Variants in VPS13A observed in about 807,000 individuals in gnomAD.
The protein encoded by VPS13A is intermembrane lipid transfer protein VPS13A.
In VPS13A, 264 loss-of-function variants were observed where a neutral mutation model predicts 390.9. That is an observed-to-expected ratio of 0.68 (90% CI 0.61 to 0.75). VPS13A has a LOEUF of 0.75. VPS13A is among the 30% of genes least tolerant of loss of function. The pLI is 0.00. For missense variants in VPS13A, 3,409 were observed against 3,733.9 expected (o/e 0.91, Z 2.27); for synonymous variants, 1,231 against 1,227.1 (o/e 1.00, Z -0.07).
At position 77,244,775 on chromosome 9, in the gene VPS13A, A is replaced by G. The variant is rs568446287; in HGVS notation, c.1901-2484A>G. Among the ~76,000 whole-genome samples, 8 of 152,130 alleles carry G rather than the reference A, an allele frequency of 5.3e-5. No individual in the cohort carries two copies. In the South Asian group the frequency reaches 1.5e-3, roughly 28 times the overall value. On this transcript the variant is annotated intron_variant, in intron 19 of 71. Coordinates refer to ENST00000360280, the MANE Select transcript of VPS13A (RefSeq NM_033305.3). The stretch of plus-strand genomic sequence containing the variant: ...GAATTTGGAGCTGAGTGAGGAAACA[A>G]TTCTATAATCAGCCCAAATGCTGTG...
intron 10 of VPS13A, among the ~76,000 whole-genome samples, chr9:77,215,487 C>A (rs532355828): frequency 6.6e-6 from 1 of 152,122 alleles, no homozygotes; most frequent in East Asian, 1.9e-4. Context: ...ATCGTAAATT[C>A]GACTTATTTC....
intron 1 of VPS13A, among the ~76,000 whole-genome samples, chr9:77,180,859 C>T (rs565559135): frequency 2.4e-4 from 37 of 152,190 alleles, no homozygotes; most frequent in Non-Finnish European, 5.3e-4. Flanking sequence ...TGTGATCCCT[C>T]TAACTTTAGT....
intron 38 of VPS13A, 120 bp from the exon 39 acceptor site, chr9:77,316,054 T>G (rs1355544426): frequency 4.1e-6 from 2 of 483,978 alleles, no homozygotes; most frequent in Non-Finnish European, 2.9e-6. Flanking sequence ...GTTGATTCCT[T>G]TGGGATCTAA....
chr9:77,382,238 G>A (rs1287584534), intron 68 of VPS13A, 151 bp downstream of exon 68: 2 of 1,430,658 alleles, frequency 1.4e-6, no homozygotes, highest in Non-Finnish European at 1.9e-6. Context: ...AGATTTTAAA[G>A]TACATTTATT....
chr9:77,405,060 A>AAAATT (rs1381070533), intron 69 of VPS13A, among the ~76,000 whole-genome samples: 1 of 152,234 alleles, frequency 6.6e-6, no homozygotes, highest in Non-Finnish European at 1.5e-5. Flanking sequence ...ATCAGAAAGA[A>AAAATT]AAATTAAGAA....
At position 77,263,981 on chromosome 9, in the gene VPS13A, A is replaced by G. The variant is rs188220820; in HGVS notation, c.2427+3757A>G. ...CTGCATATGGCTAGCCAGTTTTCCC[A>G]ACACCATTTATTAAATAGGGAATCT... On this transcript the variant is annotated intron_variant, in intron 23 of 71. Coordinates refer to ENST00000360280, the MANE Select transcript of VPS13A (RefSeq NM_033305.3). Among the ~76,000 whole-genome samples, 1,088 of 152,282 alleles carry G rather than the reference A, an allele frequency of 7.1e-3. 12 individuals are homozygous for G. Among genetic ancestry groups the G allele is most frequent in the Non-Finnish European group, 0.012 (805 of 68,030 alleles).
chr9:77,382,239 T>A lies in VPS13A; in HGVS notation c.9189+152T>A, dbSNP rs959052667. 4.9e-6 allele frequency: 7 copies of A among 1,435,958 alleles called. No individual in the cohort carries two copies. In the Admixed American group the frequency reaches 1.4e-4, roughly 28 times the overall value. 89.0% of individuals were successfully genotyped at this position (1,435,958 alleles called of 1,614,324 possible). A position where few individuals can be genotyped will look rare whatever the true frequency, so the allele number is the denominator to read the frequency against. ...TCTTATATTTACTTAGATTTTAAAG[T>A]ACATTTATTTACTATAAGATTTTTT... On this transcript the variant is annotated intron_variant, in intron 68 of 71. Transcript: ENST00000360280.
intron 22 of VPS13A, among the ~76,000 whole-genome samples, chr9:77,258,031 A>G (rs1253451159): frequency 6.6e-6 from 1 of 152,194 alleles, no homozygotes; most frequent in Non-Finnish European, 1.5e-5. Flanking sequence ...ATTATATTTC[A>G]TTGTTAGCTG....
At chr9:77,224,017 G>A (rs977032963) in intron 13 of VPS13A, among the ~76,000 whole-genome samples, 6 of 152,176 alleles carry the variant, frequency 3.9e-5, no homozygotes, top group African/African-American at 1.4e-4. Context: ...GGGCCCTTAA[G>A]AATATGCTAA....
At chr9:77,178,895 G>C (rs1440803283) in intron 1 of VPS13A, among the ~76,000 whole-genome samples, 2 of 152,096 alleles carry the variant, frequency 1.3e-5, no homozygotes, top group African/African-American at 4.8e-5. Context: ...TACTTACCTT[G>C]ACTCTTCTCG....
At chr9:77,207,368 A>G (rs1825741827) in intron 5 of VPS13A, among the ~76,000 whole-genome samples, 1 of 149,062 alleles carries the variant, frequency 6.7e-6, no homozygotes, top group Non-Finnish European at 1.5e-5. Flanking sequence ...TGGCATATAT[A>G]TGACATATAT....
intron 13 of VPS13A, among the ~76,000 whole-genome samples, chr9:77,224,813 A>G (rs1823413984): frequency 1.3e-5 from 2 of 152,238 alleles, no homozygotes; most frequent in South Asian, 2.1e-4. Context: ...GTAAAATGCT[A>G]TCAAACAGCG....
Position 77,226,508 on chromosome 9 carries a change from G to A in VPS13A, c.1267G>A (p.Asp423Asn). 6.2e-7 allele frequency: 1 copy of A among 1,612,564 alleles called. No individual in the cohort carries two copies. Among genetic ancestry groups the A allele is most frequent in the South Asian group, 1.1e-5 (1 of 91,036 alleles). The change falls in exon 15 of 72, where the codon GAT becomes AAT. Residue 423 changes from aspartate to asparagine, a missense_variant. By Grantham distance (23) the Asp-to-Asn change is conservative (BLOSUM62 1). This residue lies in a region of VPS13A where 2,717 missense variants were observed against 2,917.4 expected (regional missense o/e 0.93). Coordinates refer to ENST00000360280, the MANE Select transcript of VPS13A (RefSeq NM_033305.3). ...CAAAATTTACAAAGAAGGAGTAAAA[G>A]ATCCAGAGGATAATAAAGGGTGGTT... ...GYKIYKEGVK[D>N]PEDNKGWFSW...
chr9:77,216,538 A>G (rs944031579), intron 10 of VPS13A, among the ~76,000 whole-genome samples: 3 of 152,138 alleles, frequency 2.0e-5, no homozygotes, highest in Non-Finnish European at 4.4e-5. Context: ...AATTTATATG[A>G]TAGAGTTTAG....
At chr9:77,268,030 C>T (rs954961486) in intron 23 of VPS13A, among the ~76,000 whole-genome samples, 2 of 152,234 alleles carry the variant, frequency 1.3e-5, no homozygotes, top group African/African-American at 2.4e-5. Flanking sequence ...CCAAGCATCC[C>T]AGGTTGACTT....
intron 22 of VPS13A, among the ~76,000 whole-genome samples, chr9:77,255,976 T>C (rs1464075204): frequency 6.6e-6 from 1 of 152,014 alleles, no homozygotes; most frequent in Non-Finnish European, 1.5e-5. Flanking sequence ...CTCTATTGTT[T>C]TTCTATATTT....
intron 63 of VPS13A, among the ~76,000 whole-genome samples, chr9:77,369,725 A>C (rs951199346): frequency 1.3e-5 from 2 of 152,226 alleles, no homozygotes; most frequent in African/African-American, 2.4e-5. Context: ...AAAAATAATC[A>C]TGCAAACTGA....
At chr9:77,324,685 TTCTG>T (rs1182338445) in intron 45 of VPS13A, among the ~76,000 whole-genome samples, 5 of 152,120 alleles carry the variant, frequency 3.3e-5, no homozygotes, top group East Asian at 1.9e-4. Flanking sequence ...ATGTCTGTCT[TTCTG>T]TCTTTCTTTT....
intron 68 of VPS13A, among the ~76,000 whole-genome samples, chr9:77,400,286 G>T (rs1308465254): frequency 1.3e-5 from 1 of 78,622 alleles, no homozygotes; most frequent in Admixed American, 1.5e-4. Context: ...TTTTTCTACT[G>T]CTTTACTCAT....
Sources: gnomAD v4.1 joint callset for allele counts (sites outside exome capture counted in the v4.1 genomes callset) on GRCh38, gnomAD v4.1.1 for gene constraint, gnomAD v4.1.1 regional missense constraint, MANE v1.5 for transcripts, NCBI Gene and HGNC (gene_info 2026-07-23, HGNC 2026-07-21) for gene names.